CYFIP1: variants seen among roughly 807,000 people sequenced by gnomAD.
CYFIP1 encodes cytoplasmic FMR1-interacting protein 1.
CYFIP1 carries 58 observed loss-of-function variants against 163.5 expected under a neutral mutation model. That is an observed-to-expected ratio of 0.35 (90% confidence interval 0.29 to 0.44). The LOEUF is 0.44. CYFIP1 is among the 20% of genes least tolerant of loss of function. The pLI, the probability that CYFIP1 is intolerant of heterozygous loss-of-function variation, is 1.00. For missense variants in CYFIP1, 1,338 were observed against 1,653.8 expected (o/e 0.81, Z 3.31); for synonymous variants, 663 against 660.7 (o/e 1.00, Z -0.05).
chr15:22,898,353 G>A (rs1252192665), intron 22 of CYFIP1, among the ~76,000 whole-genome samples: 1 of 152,062 alleles, frequency 6.6e-6, no homozygotes, highest in Non-Finnish European at 1.5e-5. Flanking sequence ...CATGTCCTGG[G>A]TTCAAGCAAT....
At chr15:22,899,956 G>A (rs1184947046) in intron 22 of CYFIP1, among the ~76,000 whole-genome samples, 1 of 152,166 alleles carries the variant, frequency 6.6e-6, no homozygotes, top group Non-Finnish European at 1.5e-5. Context: ...GCTGTGGCAG[G>A]AGAATCGCTT....
chr15:22,930,619 G>A lies in CYFIP1; in HGVS notation c.1110+1604C>T, dbSNP rs569524193. 2.0e-5 allele frequency among the ~76,000 whole-genome samples: 3 copies of A among 151,992 alleles called. No individual in the cohort carries two copies. The East Asian group carries it at 5.8e-4, about 29-fold the overall frequency. ...TAGGCCTAGGCTAATGTGTGTGTTT[G>A]GGTCTTCATTTTTAACGAAAAAGCT... On this transcript the variant is annotated intron_variant, in intron 11 of 30. Transcript: ENST00000617928.
chr15:22,973,300 C>T lies in CYFIP1; in HGVS notation c.-7+6987G>A, dbSNP rs1233905331. On this transcript the variant is annotated intron_variant, in intron 1 of 30. Transcript: ENST00000617928. The stretch of plus-strand genomic sequence containing the variant: ...CTGCATTCCAGCCTGGGTGACAGAA[C>T]GAGACCTTGTCAAAAAAAAAAAAAA... 3.7e-4 allele frequency among the ~76,000 whole-genome samples: 41 copies of T among 109,926 alleles called. No homozygotes were observed. In the Admixed American group the frequency reaches 5.2e-3, roughly 14 times the overall value. The allele number at this position is 109,926 out of a possible 152,430, so 72.1% of individuals were successfully genotyped here. A position where few individuals can be genotyped will look rare whatever the true frequency, so the allele number is the denominator to read the frequency against.
chr15:22,941,651 G>A (rs758525197), intron 6 of CYFIP1, among the ~76,000 whole-genome samples: 2 of 152,006 alleles, frequency 1.3e-5, no homozygotes, highest in Non-Finnish European at 1.5e-5. Flanking sequence ...TAAGAGCTAC[G>A]GAACTGCCCC....
intron 23 of CYFIP1, among the ~76,000 whole-genome samples, chr15:22,891,475 C>T (rs1283870201): frequency 6.6e-6 from 1 of 152,220 alleles, no homozygotes; most frequent in Non-Finnish European, 1.5e-5. Context: ...AATGTTTACA[C>T]AGTCACCCTT....
Position 22,917,360 on chromosome 15 carries a change from G to C in CYFIP1, c.1674+428C>G. On this transcript the variant is annotated intron_variant, in intron 15 of 30. Transcript: ENST00000617928. This position sits in a 1 kb window ranked among gnomAD's most constrained non-coding sequence, Gnocchi z 4.2. Reference sequence around the variant, plus strand: ...CCTCGGGGAGGCCTGAACACACCAGGAGAGAGGACAGTGGGCAGCTTAGGA... The same window carrying C: ...CCTCGGGGAGGCCTGAACACACCAGCAGAGAGGACAGTGGGCAGCTTAGGA... 1.7e-6 allele frequency: 2 copies of C among 1,205,296 alleles called. No individual in the cohort carries two copies. The highest frequency in any genetic ancestry group is 4.6e-5 in the South Asian group (2 of 43,018). 74.7% of individuals were successfully genotyped at this position (1,205,296 alleles called of 1,614,324 possible). A position where few individuals can be genotyped will look rare whatever the true frequency, so the allele number is the denominator to read the frequency against.
At chr15:22,933,401 G>A (rs940154592) in intron 10 of CYFIP1, among the ~76,000 whole-genome samples, 175 of 150,162 alleles carry the variant, frequency 1.2e-3, no homozygotes, top group Non-Finnish European at 2.0e-3. Flanking sequence ...TGCAAGCTCC[G>A]CCTCCCAGGT....
In CYFIP1 at chr15:22,895,212, C is replaced by T. The variant is rs552747889; in HGVS notation, c.2589-2235G>A. Among the ~76,000 whole-genome samples the T allele has an allele frequency of 3.0e-3, 461 of 152,142 alleles. 8 individuals are homozygous for T. The highest frequency in any genetic ancestry group is 3.1e-3 in the Non-Finnish European group (213 of 68,016). ...TGTATTTTTAGTAGAGATGGGGTTTCACTGTGTTAGCCAGGATGGTCTCGA... is the reference window on the plus strand; with the variant it reads ...TGTATTTTTAGTAGAGATGGGGTTTTACTGTGTTAGCCAGGATGGTCTCGA... On this transcript the variant is annotated intron_variant, in intron 22 of 30. Coordinates refer to ENST00000617928, the MANE Select transcript of CYFIP1 (RefSeq NM_014608.6).
intron 30 of CYFIP1, among the ~76,000 whole-genome samples, chr15:22,871,249 G>A (rs1318219321): frequency 6.6e-6 from 1 of 152,138 alleles, no homozygotes; most frequent in East Asian, 1.9e-4. Flanking sequence ...TACCTCCAAG[G>A]CCTTCAGATA....
intron 8 of CYFIP1, among the ~76,000 whole-genome samples, chr15:22,937,924 G>A (rs994380376): frequency 1.3e-5 from 2 of 152,116 alleles, no homozygotes; most frequent in Non-Finnish European, 2.9e-5. Context: ...AATTCTTAAC[G>A]TGGACTAGCC....
chr15:22,926,189 A>G, intron 12 of CYFIP1, 82 bp from the exon 13 acceptor site: 1 of 1,584,820 alleles, frequency 6.3e-7, no homozygotes, highest in Non-Finnish European at 8.6e-7. Context: ...GATGGTGGCC[A>G]AAGCCAGGCC....
At chr15:22,930,389 CA>C (rs35398202) in intron 11 of CYFIP1, among the ~76,000 whole-genome samples, 1,860 of 114,040 alleles carry the variant, frequency 0.016, 36 homozygotes, top group East Asian at 0.086. Flanking sequence ...CCGTCTCACC[CA>C]AAAAAAAAAA....
chr15:22,899,069 C>G (rs1046070270), intron 22 of CYFIP1, among the ~76,000 whole-genome samples: 13 of 151,926 alleles, frequency 8.6e-5, no homozygotes, highest in Non-Finnish European at 2.9e-5. Flanking sequence ...AACTCCTGGA[C>G]TCAAGAGATC....
Position 22,936,987 on chromosome 15 carries a change from C to G in CYFIP1, c.900+117G>C, listed in dbSNP as rs2061730382. The G allele has an allele frequency of 5.6e-6, 4 of 709,656 alleles. No homozygotes were observed. The Admixed American group carries it at 6.6e-5, about 12-fold the overall frequency. 44.0% of individuals were successfully genotyped at this position (709,656 alleles called of 1,614,324 possible). A position where few individuals can be genotyped will look rare whatever the true frequency, so the allele number is the denominator to read the frequency against. ...GACGGGAGAACGTGCATGCCCCAGA[C>G]TCCACCCAGCCCCAGCGTTTCCTGA... is the stretch of plus-strand genomic sequence containing the variant. On this transcript the variant is annotated intron_variant, in intron 9 of 30. Transcript: ENST00000617928.
chr15:22,910,873 G>T, intron 18 of CYFIP1, 60 bp from the exon 19 acceptor site: 1 of 1,437,572 alleles, frequency 7.0e-7, no homozygotes, highest in Non-Finnish European at 9.7e-7. Context: ...CAAATAACAA[G>T]GTGAAAAACA....
chr15:22,939,810 T>C (rs1451861960), intron 6 of CYFIP1, among the ~76,000 whole-genome samples: 1 of 152,054 alleles, frequency 6.6e-6, no homozygotes, highest in Non-Finnish European at 1.5e-5. Context: ...TGCCCTATAC[T>C]GGTGGACGCC....
intron 17 of CYFIP1, among the ~76,000 whole-genome samples, chr15:22,912,978 A>G (rs1698498921): frequency 6.6e-6 from 1 of 152,078 alleles, no homozygotes; most frequent in South Asian, 2.1e-4. Context: ...GGAAGATAAC[A>G]TGAGGCCAGG....
At chr15:22,973,104 C>A (rs2063152502) in intron 1 of CYFIP1, among the ~76,000 whole-genome samples, 1 of 152,024 alleles carries the variant, frequency 6.6e-6, no homozygotes, top group Non-Finnish European at 1.5e-5. Context: ...CCACTGCTCT[C>A]CAACCTGGGC....
At chr15:22,942,689 C>A (rs1463779161) in intron 6 of CYFIP1, among the ~76,000 whole-genome samples, 6 of 152,176 alleles carry the variant, frequency 3.9e-5, no homozygotes, top group African/African-American at 1.4e-4. Flanking sequence ...CCACGAGACA[C>A]CCTGTGACTG....
Sources: gnomAD v4.1 joint callset for allele counts (sites outside exome capture counted in the v4.1 genomes callset) on GRCh38, gnomAD v4.1.1 for gene constraint, Gnocchi (gnomAD v3.1) non-coding constraint, MANE v1.5 for transcripts, NCBI Gene and HGNC (gene_info 2026-07-23, HGNC 2026-07-21) for gene names.